The following GRIN3A variants were observed in gnomAD, a reference collection of about 807,000 sequenced individuals.
The protein encoded by GRIN3A is glutamate ionotropic receptor NMDA type subunit 3A, also known as glutamate receptor ionotropic, NMDA 3A.
Under a neutral mutation model 92.4 loss-of-function variants are expected in GRIN3A, and 47 were observed. That is an observed-to-expected ratio of 0.51 (90% CI 0.40 to 0.65). The LOEUF is 0.65. GRIN3A is among the 30% of genes least tolerant of loss of function. GRIN3A has a pLI of 0.00. For synonymous variants in GRIN3A, 527 were observed against 540.6 expected, an observed-to-expected ratio of 0.97 and a Z score of 0.35; for missense variants, 1,324 against 1,393.1, an observed-to-expected ratio of 0.95 and a Z score of 0.79.
At chr9:101,596,026 A>T (rs1024001609) in intron 6 of GRIN3A, among the ~76,000 whole-genome samples, 1 of 152,222 alleles carries the variant, frequency 6.6e-6, no homozygotes, top group Non-Finnish European at 1.5e-5. Flanking sequence ...CCAAATGCAT[A>T]AGAAACAAAT....
At chr9:101,664,883 A>G (rs1205058003) in intron 3 of GRIN3A, among the ~76,000 whole-genome samples, 1 of 151,998 alleles carries the variant, frequency 6.6e-6, no homozygotes, top group East Asian at 1.9e-4. Flanking sequence ...ATTGTAAGTT[A>G]TCTGCTATCA....
At chr9:101,637,339 C>T (rs561840765) in intron 3 of GRIN3A, among the ~76,000 whole-genome samples, 5 of 152,240 alleles carry the variant, frequency 3.3e-5, no homozygotes, top group Non-Finnish European at 5.9e-5. Flanking sequence ...GTGATCCACC[C>T]GCCTCGGCTT....
intron 3 of GRIN3A, among the ~76,000 whole-genome samples, chr9:101,630,121 G>A (rs1828691978): frequency 6.6e-6 from 1 of 152,154 alleles, no homozygotes; most frequent in South Asian, 2.1e-4. Context: ...TCAAGACCTA[G>A]GTCAAATTTT....
At chr9:101,669,942 C>T in intron 3 of GRIN3A, 118 bp downstream of exon 3, 4 of 787,866 alleles carry the variant, frequency 5.1e-6, no homozygotes, top group Non-Finnish European at 8.5e-6. Flanking sequence ...AGTCTCTATA[C>T]TTGGCTGAGA....
intron 6 of GRIN3A, among the ~76,000 whole-genome samples, chr9:101,611,549 A>G (rs1828368454): frequency 6.6e-6 from 1 of 152,186 alleles, no homozygotes; most frequent in African/African-American, 2.4e-5. Flanking sequence ...CACCCGATGT[A>G]TGCTTTTGCC....
chr9:101,588,890 C>T (rs936983149), intron 6 of GRIN3A, among the ~76,000 whole-genome samples: 1 of 151,974 alleles, frequency 6.6e-6, no homozygotes, highest in African/African-American at 2.4e-5. Context: ...TACTCCCAAA[C>T]TGTGGTTGTT....
At chr9:101,699,300 G>C (rs1333370471) in intron 1 of GRIN3A, among the ~76,000 whole-genome samples, 1 of 152,078 alleles carries the variant, frequency 6.6e-6, no homozygotes, top group African/African-American at 2.4e-5. Context: ...GCATGGGGCT[G>C]TCATTGCCCA....
chr9:101,661,542 A>G (rs1829171861), intron 3 of GRIN3A, among the ~76,000 whole-genome samples: 1 of 151,846 alleles, frequency 6.6e-6, no homozygotes, highest in Non-Finnish European at 1.5e-5. Context: ...ACACCTTAAA[A>G]GGCTCTTCAA....
intron 2 of GRIN3A, among the ~76,000 whole-genome samples, chr9:101,679,857 C>A (rs549130280): frequency 1.3e-5 from 2 of 152,194 alleles, no homozygotes; most frequent in East Asian, 1.9e-4. Flanking sequence ...GTGGGTTAAC[C>A]AGTTTGTGTT....
chr9:101,575,939 G>T (rs1827820172), intron 8 of GRIN3A, among the ~76,000 whole-genome samples: 1 of 152,170 alleles, frequency 6.6e-6, no homozygotes, highest in Non-Finnish European at 1.5e-5. Flanking sequence ...TATCTATCTG[G>T]TAATATAATA....
At chr9:101,576,680 C>T (rs1296262523) in intron 8 of GRIN3A, among the ~76,000 whole-genome samples, 1 of 152,082 alleles carries the variant, frequency 6.6e-6, no homozygotes, top group Non-Finnish European at 1.5e-5. Context: ...TGTCATGGAA[C>T]AGCTGTGACT....
At chr9:101,604,335 T>C (rs1037764744) in intron 6 of GRIN3A, among the ~76,000 whole-genome samples, 8 of 152,112 alleles carry the variant, frequency 5.3e-5, no homozygotes, top group Non-Finnish European at 1.0e-4. Flanking sequence ...GAAGATGAGG[T>C]CTTTCTCAGA....
intron 6 of GRIN3A, among the ~76,000 whole-genome samples, chr9:101,582,128 G>C (rs903368455): frequency 6.6e-6 from 1 of 152,126 alleles, no homozygotes; most frequent in Non-Finnish European, 1.5e-5. Context: ...TCTCTTTAAA[G>C]GTTTTCCTTT....
chr9:101,587,247 CT>C (rs1188314514), intron 6 of GRIN3A, among the ~76,000 whole-genome samples: 1 of 150,132 alleles, frequency 6.7e-6, no homozygotes, highest in Non-Finnish European at 1.5e-5. Context: ...GAGGCAGAGG[CT>C]GCAGTGAGCT....
intron 5 of GRIN3A, among the ~76,000 whole-genome samples, chr9:101,614,702 C>T (rs1026158064): frequency 6.9e-6 from 1 of 144,914 alleles, no homozygotes; most frequent in Non-Finnish European, 1.5e-5. Flanking sequence ...TCACTGCAAC[C>T]TTGACCTCCT....
intron 3 of GRIN3A, among the ~76,000 whole-genome samples, chr9:101,661,553 T>C (rs1829172138): frequency 6.6e-6 from 1 of 151,894 alleles, no homozygotes; most frequent in South Asian, 2.1e-4. Flanking sequence ...GGCTCTTCAA[T>C]ATCATTTCTT....
chr9:101,708,627 G>A (rs1466194648), intron 1 of GRIN3A, among the ~76,000 whole-genome samples: 1 of 152,148 alleles, frequency 6.6e-6, no homozygotes, highest in Non-Finnish European at 1.5e-5. Context: ...ATGGTAATGG[G>A]TCATTTTGGC....
chr9:101,654,947 A>G (rs1425718126), intron 3 of GRIN3A, among the ~76,000 whole-genome samples: 3 of 151,908 alleles, frequency 2.0e-5, no homozygotes, highest in Non-Finnish European at 4.4e-5. Context: ...GACAAAATAC[A>G]TATGGTGACA....
intron 1 of GRIN3A, among the ~76,000 whole-genome samples, chr9:101,735,624 T>G (rs1412816765): frequency 6.6e-6 from 1 of 151,890 alleles, no homozygotes; most frequent in Non-Finnish European, 1.5e-5. Context: ...TGACCACTAT[T>G]GGCCACTTAC....
Sources: allele counts gnomAD v4.1 joint callset (sites outside exome capture counted in the v4.1 genomes callset), GRCh38; gene constraint gnomAD v4.1.1; transcripts MANE v1.5; gene names NCBI Gene and HGNC (gene_info 2026-07-23, HGNC 2026-07-21).